The following SI variants were observed in gnomAD, a reference collection of about 807,000 sequenced individuals.
SI encodes sucrase-isomaltase.
Under a neutral mutation model 253.3 loss-of-function variants are expected in SI, and 235 were observed. The ratio of observed to expected loss-of-function variants is 0.93; its 90% CI spans 0.83 to 1.03. The LOEUF (loss-of-function observed/expected upper bound fraction) is 1.03. Ranked by LOEUF, SI falls within the 50% of genes least tolerant of loss-of-function variation. The pLI is 0.00. For synonymous variants in SI, 819 were observed against 712.0 expected (o/e 1.15, Z -2.39); for missense variants, 2,442 against 2,211.1 (o/e 1.10, Z -2.09).
upstream of SI, among the ~76,000 whole-genome samples, chr3:165,080,265 G>A (rs1715260494): frequency 6.6e-6 from 1 of 151,924 alleles, no homozygotes; most frequent in South Asian, 2.1e-4. Flanking sequence ...TCTTCCTTTA[G>A]AAGTGAGAGC....
chr3:164,999,241 G>A (rs1718154684), intron 37 of SI, among the ~76,000 whole-genome samples: 1 of 151,658 alleles, frequency 6.6e-6, no homozygotes, highest in Non-Finnish European at 1.5e-5. Flanking sequence ...AATGGGTTGT[G>A]TAAATGAAAT....
the SI span, among the ~76,000 whole-genome samples, chr3:165,085,715 T>C: frequency 2.0e-5 from 3 of 152,198 alleles, no homozygotes; most frequent in African/African-American, 2.4e-5. Context: ...AAAGTCTCAA[T>C]TTATTAAACT....
chr3:165,048,310 T>G (rs1457625953), intron 15 of SI, among the ~76,000 whole-genome samples: 1 of 151,796 alleles, frequency 6.6e-6, no homozygotes, highest in Non-Finnish European at 1.5e-5. Flanking sequence ...TCTTCTTTTG[T>G]TTTGTATCAT....
Position 165,019,695 on chromosome 3 carries a change from A to G in SI, c.3330T>C (p.Tyr1110=), listed in dbSNP as rs768330540. Residue 1110 remains tyrosine (Y), a synonymous_variant, in exon 28 of 48, where the codon TAT becomes TAC. Transcript: ENST00000264382. The stretch of plus-strand genomic sequence containing the variant: ...GTTCCACTTCCCCAAAACCATATAT[A>G]TATTCTGATGGCAGGCGAGTCGATA... ...IQISTRLPSE[Y]IYGFGEVEHT... 4 of 1,612,712 alleles carry G rather than the reference A, an allele frequency of 2.5e-6. No individual in the cohort carries two copies. Among genetic ancestry groups the G allele is most frequent in the Non-Finnish European group, 3.4e-6 (4 of 1,179,064 alleles).
intron 34 of SI, among the ~76,000 whole-genome samples, chr3:165,011,901 C>T (rs1718787873): frequency 6.6e-6 from 1 of 151,652 alleles, no homozygotes; most frequent in Non-Finnish European, 1.5e-5. Context: ...TAAGTGCTTT[C>T]ATGTTGGGAG....
rs535734229 is a variant in SI at position 165,075,244 on chromosome 3, G to A, written c.119-577C>T. On this transcript the variant is annotated intron_variant, in intron 2 of 47. Transcript: ENST00000264382. ...AGTAAGCTCTCAGTTTCTGGAAGTA[G>A]GTAAAACAAAAGATTAACAGGAATA... Among the ~76,000 whole-genome samples, 16 of 151,884 alleles carry A rather than the reference G, an allele frequency of 1.1e-4. 1 individual carries two copies. Among genetic ancestry groups the A allele is most frequent in the African/African-American group, 3.6e-4 (15 of 41,474 alleles).
chr3:164,979,290 G>C lies in SI; in HGVS notation c.*72C>G. 2.2e-6 allele frequency: 2 copies of C among 898,884 alleles called. No homozygotes were observed. The highest frequency in any genetic ancestry group is 3.7e-6 in the Non-Finnish European group (2 of 534,870). 55.7% of individuals were successfully genotyped at this position (898,884 alleles called of 1,614,324 possible). On this transcript the variant is annotated 3_prime_UTR_variant, in exon 48 of 48. Coordinates refer to ENST00000264382, the MANE Select transcript of SI (RefSeq NM_001041.4). ...AGAGTACAAGAACCAAGTGAAGAGGGAAAATTGTAAGTGCTGTGAAACTTA... is the reference window on the plus strand; with the variant it reads ...AGAGTACAAGAACCAAGTGAAGAGGCAAAATTGTAAGTGCTGTGAAACTTA...
chr3:164,985,072 TAGAG>T (rs1224720808), intron 45 of SI, among the ~76,000 whole-genome samples: 3 of 152,160 alleles, frequency 2.0e-5, no homozygotes, highest in African/African-American at 7.2e-5. Flanking sequence ...GAGGAGATCA[TAGAG>T]AAATATTTGG....
chr3:165,067,368 C>T lies in SI; in HGVS notation c.607G>A (p.Val203Ile), dbSNP rs371937953. ...GTTTTACCGTTGCTTTTCCTAATAA[C>T]TTGGATGCTAAATGGGTTTTGGGCA... ...KVAQNPFSIQVIRKSNGKTLF... is the reference protein window; with the variant it reads ...KVAQNPFSIQIIRKSNGKTLF... The change falls in exon 6 of 48, where the codon GTT (valine) becomes ATT (isoleucine). Residue 203 changes from valine to isoleucine, a missense_variant. Coordinates refer to ENST00000264382, the MANE Select transcript of SI (RefSeq NM_001041.4). The T allele has an allele frequency of 4.3e-6, 7 of 1,611,048 alleles. 1 individual carries two copies. In the South Asian group the frequency reaches 6.6e-5, roughly 15 times the overall value.
At position 165,046,898 on chromosome 3, in the gene SI, T is replaced by C; in HGVS notation, c.1830A>G (p.Glu610=). The C allele has an allele frequency of 6.2e-7, 1 of 1,613,386 alleles. No homozygotes were observed. Residue 610 remains glutamate, a synonymous_variant, in exon 16 of 48, where the codon GAA becomes GAG. Transcript: ENST00000264382. ...TTCCAGTTATAGACCATTCCATTTG[T>C]TCCCATGAAGCAGTATTGTCTCCTA... ...HWLGDNTASW[E]QMEWSITGML...
intron 6 of SI, 32 bp from the exon 7 acceptor site, chr3:165,065,464 A>AATATATATATATATCTATATATAT (rs1714195058): frequency 5.1e-6 from 1 of 194,480 alleles, no homozygotes; most frequent in African/African-American, 4.3e-5. Context: ...GAAATAATCT[A>AATATATATATATATCTATATATAT]ATATATATAT....
At chr3:165,020,773 A>T (rs780102528) in intron 27 of SI, among the ~76,000 whole-genome samples, 1 of 151,662 alleles carries the variant, frequency 6.6e-6, no homozygotes, top group Non-Finnish European at 1.5e-5. Flanking sequence ...TTGTAACATA[A>T]AAATATATCT....
At position 165,033,436 on chromosome 3, in the gene SI, G is replaced by A; in HGVS notation, c.2524C>T (p.Gln842Ter). ...WDDGETKDTI[Q>*]NGNYILYTFS... The stretch of plus-strand genomic sequence containing the variant: ...GTATATAATATGTAGTTGCCATTTT[G>A]TATTGTATCTGAAATGAAAAATATC... The change falls in exon 23 of 48, where the codon CAA becomes TAA. Residue 842 changes from glutamine (Q) to a stop codon, truncating the protein, a stop_gained. Coordinates refer to ENST00000264382, the MANE Select transcript of SI (RefSeq NM_001041.4). LOFTEE classifies it high-confidence loss of function. 1 of 1,541,650 alleles carries A rather than the reference G, an allele frequency of 6.5e-7. No homozygotes were observed. Among genetic ancestry groups the A allele is most frequent in the Non-Finnish European group, 8.8e-7 (1 of 1,140,274 alleles).
chr3:165,037,997 G>A lies in SI; in HGVS notation c.2329C>T (p.Arg777Trp), dbSNP rs369923936. The A allele has an allele frequency of 8.9e-5, 143 of 1,603,246 alleles. No homozygotes were observed. Among genetic ancestry groups the A allele is most frequent in the Non-Finnish European group, 1.2e-4 (137 of 1,171,032 alleles). ...TCTGCTGGAAGATACATATCAACCC[G>A]TTGTTTCCTCCATGGCCTTTTTGCA... The part of the protein sequence containing the change: ...SGAKRPWRKQ[R>W]VDMYLPADKI... The change falls in exon 21 of 48, where the codon CGG becomes TGG. Residue 777 changes from arginine (R) to tryptophan (W), a missense_variant. Coordinates refer to ENST00000264382, the MANE Select transcript of SI (RefSeq NM_001041.4).
intron 37 of SI, among the ~76,000 whole-genome samples, chr3:165,005,113 A>C (rs1324055192): frequency 6.6e-6 from 1 of 152,124 alleles, no homozygotes. Flanking sequence ...CCAGCCATGC[A>C]GAACTGTGAG....
At chr3:164,996,880 A>T in intron 38 of SI, 108 bp from the exon 39 acceptor site, 2 of 575,564 alleles carry the variant, frequency 3.5e-6, no homozygotes, top group South Asian at 2.9e-5. Flanking sequence ...CAACCTCCAA[A>T]CCTGAAACAT....
At chr3:165,027,056 A>T (rs1711959125) in intron 25 of SI, among the ~76,000 whole-genome samples, 1 of 151,452 alleles carries the variant, frequency 6.6e-6, no homozygotes, top group Admixed American at 6.6e-5. Context: ...GATAAATAAA[A>T]TTCATAGATC....
intron 14 of SI, 81 bp from the exon 15 acceptor site, chr3:165,049,325 C>G: frequency 4.9e-6 from 4 of 823,408 alleles, no homozygotes; most frequent in Non-Finnish European, 8.2e-6. Flanking sequence ...ATGTCATATT[C>G]CTTTTCATTT....
chr3:165,001,223 T>G (rs1411698518), intron 37 of SI, among the ~76,000 whole-genome samples: 1 of 151,336 alleles, frequency 6.6e-6, no homozygotes, highest in East Asian at 1.9e-4. Context: ...TTCTCATGAT[T>G]GGATGGTGTT....
Sources: allele counts gnomAD v4.1 joint callset (sites outside exome capture counted in the v4.1 genomes callset), GRCh38; gene constraint gnomAD v4.1.1; transcripts MANE v1.5; gene names NCBI Gene and HGNC (gene_info 2026-07-23, HGNC 2026-07-21).